The following ZBTB20 variants were observed in gnomAD, a reference collection of about 807,000 sequenced individuals.
ZBTB20 encodes zinc finger and BTB domain containing 20, also known as zinc finger and BTB domain-containing protein 20.
Under a neutral mutation model 56.9 loss-of-function variants are expected in ZBTB20, and 9 were observed. The ratio of observed to expected loss-of-function variants is 0.16; its 90% CI spans 0.10 to 0.28. The LOEUF (loss-of-function observed/expected upper bound fraction) is 0.28, where lower values mean the gene tolerates loss of function less well. ZBTB20 is among the 10% of genes least tolerant of loss of function. ZBTB20 has a pLI of 1.00. For missense variants in ZBTB20, 655 were observed against 1,003.0 expected, an observed-to-expected ratio of 0.65 and a Z score of 4.69; for synonymous variants, 417 against 420.7, an observed-to-expected ratio of 0.99 and a Z score of 0.11.
chr3:114,887,221 C>A (rs2076633800), intron 4 of ZBTB20, among the ~76,000 whole-genome samples: 1 of 152,182 alleles, frequency 6.6e-6, no homozygotes, highest in Admixed American at 6.5e-5. Flanking sequence ...AATACTGCCA[C>A]ACTGGGGCTT....
intron 7 of ZBTB20, among the ~76,000 whole-genome samples, chr3:114,440,456 C>A (rs983502232): frequency 2.6e-5 from 4 of 151,842 alleles, no homozygotes; most frequent in Non-Finnish European, 5.9e-5. Context: ...TGTAATTTTC[C>A]TGAAAAAAAT....
intron 7 of ZBTB20, among the ~76,000 whole-genome samples, chr3:114,438,392 T>G (rs1206002171): frequency 6.7e-6 from 1 of 148,246 alleles, no homozygotes; most frequent in Non-Finnish European, 1.5e-5. Flanking sequence ...ATACAACTAT[T>G]TCTCCCTAGT....
At chr3:115,061,365 T>G (rs956335574) in intron 2 of ZBTB20, among the ~76,000 whole-genome samples, 4 of 152,176 alleles carry the variant, frequency 2.6e-5, no homozygotes, top group African/African-American at 9.7e-5. Flanking sequence ...TTGTGATACT[T>G]TGAAAAACAC....
At chr3:114,483,273 A>G (rs1354688067) in intron 7 of ZBTB20, among the ~76,000 whole-genome samples, 2 of 152,134 alleles carry the variant, frequency 1.3e-5, no homozygotes, top group African/African-American at 2.4e-5. Context: ...CTTTCATGAT[A>G]CACAAAAAGA....
intron 1 of ZBTB20, among the ~76,000 whole-genome samples, chr3:115,108,013 C>A (rs1487881396): frequency 1.3e-5 from 2 of 151,992 alleles, no homozygotes; most frequent in Non-Finnish European, 2.9e-5. Context: ...GGAGGGAGAG[C>A]ATCAGGACAA....
At chr3:114,978,494 C>T (rs77276556) in intron 2 of ZBTB20, among the ~76,000 whole-genome samples, 4,624 of 151,396 alleles carry the variant, frequency 0.031, 86 homozygotes, top group South Asian at 0.039. Context: ...GTTCATTAGA[C>T]ATGGCAAGTG....
At chr3:115,034,887 A>T (rs2080850291) in intron 2 of ZBTB20, among the ~76,000 whole-genome samples, 1 of 151,980 alleles carries the variant, frequency 6.6e-6, no homozygotes, top group African/African-American at 2.4e-5. Context: ...AAGAAATAAA[A>T]TAGAGTCCAG....
chr3:114,930,827 TG>T, intron 3 of ZBTB20: 1 of 287,090 alleles, frequency 3.5e-6, no homozygotes, highest in Non-Finnish European at 7.0e-6. Context: ...GGAGAGACTG[TG>T]GAGTTTGATG....
intron 6 of ZBTB20, among the ~76,000 whole-genome samples, chr3:114,569,576 A>C (rs1208678352): frequency 6.6e-6 from 1 of 152,254 alleles, no homozygotes; most frequent in Non-Finnish European, 1.5e-5. Context: ...AAGAACTAAT[A>C]GTTCTGAATA....
At chr3:114,876,787 C>T (rs1288755483) in intron 4 of ZBTB20, among the ~76,000 whole-genome samples, 2 of 152,184 alleles carry the variant, frequency 1.3e-5, no homozygotes, top group Non-Finnish European at 2.9e-5. Context: ...TTACCAACTT[C>T]GAGGCTTAGT....
intron 5 of ZBTB20, among the ~76,000 whole-genome samples, chr3:114,787,452 C>T (rs1314345860): frequency 6.7e-6 from 1 of 148,214 alleles, no homozygotes; most frequent in African/African-American, 2.5e-5. Context: ...CATATATATA[C>T]ACATATATAC....
chr3:114,773,258 G>T (rs1307654092), intron 5 of ZBTB20, among the ~76,000 whole-genome samples: 4 of 152,134 alleles, frequency 2.6e-5, no homozygotes, highest in Admixed American at 2.6e-4. Flanking sequence ...CTTCTGATCT[G>T]CAGAACTGTC....
At chr3:114,778,132 T>C (rs966103379) in intron 5 of ZBTB20, among the ~76,000 whole-genome samples, 1 of 145,346 alleles carries the variant, frequency 6.9e-6, no homozygotes, top group Non-Finnish European at 1.5e-5. Context: ...CATTAGGAGA[T>C]ATACCTAATG....
intron 4 of ZBTB20, among the ~76,000 whole-genome samples, chr3:114,840,265 A>G (rs1318454782): frequency 6.6e-6 from 1 of 152,246 alleles, no homozygotes; most frequent in Non-Finnish European, 1.5e-5. Context: ...TTAACCTGTT[A>G]ATGATAAATT....
At chr3:114,625,436 G>A (rs1045270992) in intron 6 of ZBTB20, among the ~76,000 whole-genome samples, 1 of 152,094 alleles carries the variant, frequency 6.6e-6, no homozygotes, top group Non-Finnish European at 1.5e-5. Flanking sequence ...TCCCAATTCA[G>A]TAAGTAGCAA....
chr3:114,890,055 T>C (rs9825363), intron 4 of ZBTB20, among the ~76,000 whole-genome samples: 1 of 151,882 alleles, frequency 6.6e-6, no homozygotes, highest in Non-Finnish European at 1.5e-5. Context: ...AGCCAATAAG[T>C]GATAACAGAG....
At chr3:114,725,701 T>C (rs1209349380) in intron 5 of ZBTB20, among the ~76,000 whole-genome samples, 1 of 152,198 alleles carries the variant, frequency 6.6e-6, no homozygotes. Context: ...TACCAACAAA[T>C]GTGCATTAAC....
intron 4 of ZBTB20, among the ~76,000 whole-genome samples, chr3:114,845,261 C>G (rs954883646): frequency 1.3e-5 from 2 of 149,802 alleles, no homozygotes; most frequent in African/African-American, 4.9e-5. Flanking sequence ...ATAGTGAAAG[C>G]AAAATTATAG....
At chr3:114,851,081 CTG>C (rs2074978295) in intron 4 of ZBTB20, among the ~76,000 whole-genome samples, 1 of 152,210 alleles carries the variant, frequency 6.6e-6, no homozygotes, top group Admixed American at 6.5e-5. Flanking sequence ...CAGAAGAAAT[CTG>C]TGTGAGGGAT....
Sources: allele counts gnomAD v4.1 joint callset (sites outside exome capture counted in the v4.1 genomes callset), GRCh38; gene constraint gnomAD v4.1.1; transcripts MANE v1.5; gene names NCBI Gene and HGNC (gene_info 2026-07-23, HGNC 2026-07-21).